The following PCDH15 variants were observed in gnomAD, a reference collection of about 807,000 sequenced individuals.
The protein encoded by PCDH15 is protocadherin related 15.
PCDH15 carries 129 observed loss-of-function variants against 178.5 expected under a neutral mutation model. The ratio of observed to expected loss-of-function variants is 0.72; its 90% confidence interval spans 0.63 to 0.84. The LOEUF (loss-of-function observed/expected upper bound fraction) is 0.84. Ranked by LOEUF, PCDH15 falls within the 40% of genes least tolerant of loss-of-function variation. PCDH15 has a pLI of 0.00. For synonymous variants in PCDH15, 800 were observed against 732.0 expected, an observed-to-expected ratio of 1.09 and a Z score of -1.50; for missense variants, 2,230 against 2,099.9, an observed-to-expected ratio of 1.06 and a Z score of -1.21.
chr10:54,338,723 G>A (rs1272674518), intron 6 of PCDH15, among the ~76,000 whole-genome samples: 1 of 151,558 alleles, frequency 6.6e-6, no homozygotes, highest in Non-Finnish European at 1.5e-5. Context: ...TTTTTTCTGA[G>A]TAGTAACAGT....
chr10:53,862,456 A>G (rs979880327), intron 27 of PCDH15, among the ~76,000 whole-genome samples: 1 of 152,216 alleles, frequency 6.6e-6, no homozygotes, highest in East Asian at 1.9e-4. Flanking sequence ...GTAAATATCA[A>G]CACACTTCAT....
intron 13 of PCDH15, among the ~76,000 whole-genome samples, chr10:54,166,402 G>A (rs572550232): frequency 3.3e-4 from 50 of 152,234 alleles, no homozygotes; most frequent in Non-Finnish European, 5.7e-4. Context: ...AGTTTAGTAC[G>A]AATCACCTAA....
At chr10:54,599,968 G>A in intron 2 of PCDH15, 1 of 1,154,568 alleles carries the variant, frequency 8.7e-7, no homozygotes, top group South Asian at 1.3e-5. Context: ...GGAAAAGCCA[G>A]AAAAAGCCAA....
chr10:53,883,974 C>G (rs2080915060), intron 26 of PCDH15, among the ~76,000 whole-genome samples: 2 of 152,126 alleles, frequency 1.3e-5, no homozygotes, highest in Non-Finnish European at 2.9e-5. Context: ...CCTCGGCATC[C>G]CAAAGTTCTG....
intron 27 of PCDH15, among the ~76,000 whole-genome samples, chr10:53,863,214 G>C (rs1352040100): frequency 6.6e-6 from 1 of 152,170 alleles, no homozygotes. Context: ...ATGGGACTAA[G>C]TGAGCTTAAC....
At chr10:54,914,881 G>A (rs1954874440) in intron 2 of PCDH15, among the ~76,000 whole-genome samples, 1 of 152,080 alleles carries the variant, frequency 6.6e-6, no homozygotes, top group African/African-American at 2.4e-5. Flanking sequence ...CTCACTCAAG[G>A]ACATGCCATT....
Position 53,857,084 on chromosome 10 carries a change from GT to G in PCDH15, c.3806+90del, listed in dbSNP as rs113963266. 11,427 of 932,216 alleles carry G rather than the reference GT, an allele frequency of 0.012. 845 individuals carry two copies. In the African/African-American group the frequency reaches 0.16, roughly 13 times the overall value. 57.7% of individuals were successfully genotyped at this position (932,216 alleles called of 1,614,324 possible). On this transcript the variant is annotated intron_variant, in intron 28 of 37. Coordinates refer to ENST00000644397, the MANE Select transcript of PCDH15 (RefSeq NM_001384140.1). The stretch of plus-strand genomic sequence containing the variant: ...ATATCCATGTAACACACCTGCACAT[GT>G]ATCCCCTGAATCTAAAATAAAATTT...
At position 55,291,643 on chromosome 10, in the gene PCDH15, A is replaced by C. The variant is rs115593280; in HGVS notation, c.-156+27956T>G. ...AATGAAGAAAATTTACCAAGCTCTC[A>C]GATGATGACTGACTTCTTTGAAGTC... On this transcript the variant is annotated intron_variant, in intron 1 of 5. Coordinates refer to the PCDH15 transcript ENST00000458638. Among the ~76,000 whole-genome samples the C allele has an allele frequency of 2.9e-3, 448 of 152,340 alleles. 1 individual carries two copies. The highest frequency in any genetic ancestry group is 0.01 in the African/African-American group (424 of 41,580).
intron 5 of PCDH15, among the ~76,000 whole-genome samples, chr10:54,367,090 A>G (rs933831251): frequency 3.3e-5 from 5 of 152,116 alleles, no homozygotes; most frequent in African/African-American, 1.2e-4. Flanking sequence ...AAATTTTGAG[A>G]CTTGCATGGT....
At chr10:54,112,219 G>A (rs1207337231) in intron 15 of PCDH15, among the ~76,000 whole-genome samples, 2 of 151,922 alleles carry the variant, frequency 1.3e-5, no homozygotes, top group African/African-American at 2.4e-5. Flanking sequence ...CCTCTAAGTC[G>A]GGGTTCCTCA....
chr10:54,812,969 C>T (rs1388510823), intron 3 of PCDH15, among the ~76,000 whole-genome samples: 1 of 152,142 alleles, frequency 6.6e-6, no homozygotes, highest in Admixed American at 6.5e-5. Context: ...ATTCTAACAC[C>T]TACCTAAAAC....
chr10:55,417,005 G>T (rs1838499021), intron 2 of PCDH15, among the ~76,000 whole-genome samples: 3 of 151,780 alleles, frequency 2.0e-5, no homozygotes, highest in South Asian at 2.1e-4. Context: ...GTCAGTAAAA[G>T]ACTTTGTATG....
chr10:55,053,083 C>A (rs1205310664), intron 2 of PCDH15, among the ~76,000 whole-genome samples: 1 of 152,118 alleles, frequency 6.6e-6, no homozygotes, highest in African/African-American at 2.4e-5. Context: ...ATAGCATTCA[C>A]AAAAGGACAT....
chr10:55,050,407 T>A (rs1449834123), intron 2 of PCDH15, among the ~76,000 whole-genome samples: 3 of 152,042 alleles, frequency 2.0e-5, no homozygotes, highest in African/African-American at 7.2e-5. Context: ...ACATTCTCTA[T>A]GATAAATTTA....
chr10:54,136,981 C>A (rs2133116147), intron 14 of PCDH15, among the ~76,000 whole-genome samples: 2 of 152,250 alleles, frequency 1.3e-5, no homozygotes, highest in Middle Eastern at 6.8e-3. Context: ...TAAATAACCA[C>A]CAGGCTTCTT....
chr10:54,174,925 C>A, intron 13 of PCDH15, among the ~76,000 whole-genome samples: 1 of 151,760 alleles, frequency 6.6e-6, no homozygotes, highest in Admixed American at 6.6e-5. Context: ...AGTGAATAAC[C>A]TGTATAAGTT....
In PCDH15 at chr10:55,033,530, A is replaced by G. The variant is rs531925974; in HGVS notation, c.-80+133046T>C. Among the ~76,000 whole-genome samples, 179 of 152,290 alleles carry G rather than the reference A, an allele frequency of 1.2e-3. 1 individual carries two copies. Among genetic ancestry groups the G allele is most frequent in the Admixed American group, 9.8e-4 (15 of 15,298 alleles). On this transcript the variant is annotated intron_variant, in intron 2 of 5. Transcript: ENST00000458638. ...TGCCTACTTCTCCCCTTTGGAATAT[A>G]AACGACTGTCTTGTGTCTGTCTTAC...
chr10:54,848,382 C>CA lies in PCDH15; in HGVS notation c.-29+49067dup, dbSNP rs34830502. Among the ~76,000 whole-genome samples the CA allele has an allele frequency of 3.0e-3, 259 of 85,082 alleles. 3 individuals carry two copies. Among genetic ancestry groups the CA allele is most frequent in the South Asian group, 0.018 (48 of 2,740 alleles). The allele number at this position is 85,082 out of a possible 152,430, so 55.8% of individuals were successfully genotyped here. On this transcript the variant is annotated intron_variant, in intron 3 of 5. Transcript: ENST00000458638. Reference sequence around the variant, plus strand: ...GGGCAACAAGAGCAAAACTCCATCTCAAAAAAAAAAAAAAAAAAAAAGCTA... The same window carrying CA: ...GGGCAACAAGAGCAAAACTCCATCTCAAAAAAAAAAAAAAAAAAAAAAGCTA...
At chr10:55,342,452 T>A (rs1001061764) in intron 2 of PCDH15, among the ~76,000 whole-genome samples, 1 of 151,934 alleles carries the variant, frequency 6.6e-6, no homozygotes, top group East Asian at 1.9e-4. Context: ...GTTTTACTTT[T>A]TATTATTTAT....
Sources: gnomAD v4.1 joint callset for allele counts (sites outside exome capture counted in the v4.1 genomes callset) on GRCh38, gnomAD v4.1.1 for gene constraint, MANE v1.5 for transcripts, NCBI Gene and HGNC (gene_info 2026-07-23, HGNC 2026-07-21) for gene names.